Variants in APBB2 observed in about 807,000 individuals in gnomAD.
APBB2 encodes the protein amyloid beta precursor protein binding family B member 2, also known as Fe65-like 1.
Under a neutral mutation model 82.5 loss-of-function variants are expected in APBB2, and 38 were observed. That is an observed-to-expected ratio of 0.46 (90% CI 0.36 to 0.60). The LOEUF (loss-of-function observed/expected upper bound fraction) is 0.60, where lower values mean the gene tolerates loss of function less well. Ranked by LOEUF, APBB2 falls within the 20% of genes least tolerant of loss-of-function variation. The pLI, the probability that APBB2 is intolerant of heterozygous loss-of-function variation, is 0.00. For missense variants in APBB2, 772 were observed against 972.3 expected (o/e 0.79, Z 2.74); for synonymous variants, 341 against 368.2 (o/e 0.93, Z 0.85).
At chr4:40,969,662 T>TAA (rs1423566549) in intron 6 of APBB2, among the ~76,000 whole-genome samples, 1 of 152,214 alleles carries the variant, frequency 6.6e-6, no homozygotes, top group African/African-American at 2.4e-5. Flanking sequence ...CTGGATGTTT[T>TAA]AAAGAGTCCT....
At chr4:41,013,262 T>C (rs116322200) in intron 6 of APBB2, among the ~76,000 whole-genome samples, 2,099 of 152,336 alleles carry the variant, frequency 0.014, 51 homozygotes, top group African/African-American at 0.048. Flanking sequence ...AGATAGCATA[T>C]AGAAATGATC....
At chr4:41,183,464 A>G (rs1771992062) in intron 1 of APBB2, among the ~76,000 whole-genome samples, 1 of 152,222 alleles carries the variant, frequency 6.6e-6, no homozygotes, top group Non-Finnish European at 1.5e-5. Flanking sequence ...AGATGTAATT[A>G]GTTAAGATGA....
intron 3 of APBB2, among the ~76,000 whole-genome samples, chr4:41,076,898 A>C (rs1228742585): frequency 6.6e-6 from 1 of 152,236 alleles, no homozygotes; most frequent in Non-Finnish European, 1.5e-5. Flanking sequence ...AAGCTCCTAG[A>C]AATTAATATT....
intron 12 of APBB2, chr4:40,848,969 C>G: frequency 1.1e-6 from 1 of 935,200 alleles, no homozygotes; most frequent in Non-Finnish European, 1.3e-6. Context: ...CGAGCAAGAA[C>G]CTTTCTGCCT....
intron 12 of APBB2, among the ~76,000 whole-genome samples, chr4:40,874,564 T>C (rs954658426): frequency 3.3e-5 from 5 of 152,148 alleles, no homozygotes; most frequent in Non-Finnish European, 7.4e-5. Context: ...CTAGCTTTGT[T>C]ATCCTGTCCC....
chr4:40,976,391 C>T (rs923677927), intron 6 of APBB2, among the ~76,000 whole-genome samples: 2 of 152,140 alleles, frequency 1.3e-5, no homozygotes, highest in Non-Finnish European at 2.9e-5. Flanking sequence ...TAATGGAACT[C>T]ACTATGAGAA....
intron 6 of APBB2, among the ~76,000 whole-genome samples, chr4:41,013,227 T>C (rs368337409): frequency 1.3e-4 from 20 of 152,230 alleles, no homozygotes; most frequent in East Asian, 7.7e-4. Context: ...TTTTATTATT[T>C]TGCTTACCAA....
chr4:41,089,657 A>G (rs1221536549), intron 3 of APBB2, among the ~76,000 whole-genome samples: 1 of 152,236 alleles, frequency 6.6e-6, no homozygotes, highest in Admixed American at 6.5e-5. Flanking sequence ...TGGCTCAAAG[A>G]AAAAACTCAT....
intron 1 of APBB2, among the ~76,000 whole-genome samples, chr4:41,149,353 A>G (rs1761607322): frequency 6.6e-6 from 1 of 151,706 alleles, no homozygotes; most frequent in Admixed American, 6.6e-5. Flanking sequence ...CTGTCTTAGC[A>G]AAGTTTCTTT....
intron 10 of APBB2, among the ~76,000 whole-genome samples, chr4:40,901,907 T>TTGTG (rs1443661269): frequency 1.2e-4 from 15 of 121,482 alleles, no homozygotes; most frequent in African/African-American, 5.1e-4. Flanking sequence ...ATATCCAAAA[T>TTGTG]TATGTGTGTG....
Position 40,944,970 on chromosome 4 carries a change from T to A in APBB2, c.939A>T (p.Thr313=). ...CGGGCCGTTCCCACTGAGTCGTTCC[T>A]GTTGGGATGTGCCAATAATAGGTCC... The part of the protein sequence containing the change: ...IAGTYYWHIP[T]GTTQWERPVS... Residue 313 remains threonine (T), a synonymous_variant, in exon 7 of 18, where the codon ACA becomes ACT. Transcript: ENST00000508593. The A allele has an allele frequency of 6.2e-7, 1 of 1,613,400 alleles. No individual in the cohort carries two copies. The highest frequency in any genetic ancestry group is 8.5e-7 in the Non-Finnish European group (1 of 1,179,760).
At chr4:40,833,584 A>G (rs1752829369) in intron 12 of APBB2, among the ~76,000 whole-genome samples, 1 of 152,164 alleles carries the variant, frequency 6.6e-6, no homozygotes, top group African/African-American at 2.4e-5. Context: ...AGTTACTGTT[A>G]CAGGTGTCAC....
At chr4:41,116,213 A>G (rs558638846) in intron 2 of APBB2, among the ~76,000 whole-genome samples, 2 of 152,318 alleles carry the variant, frequency 1.3e-5, no homozygotes, top group Admixed American at 1.3e-4. Context: ...CTAACACAGG[A>G]ACAGAAAACC....
At chr4:41,093,045 C>T (rs1742319988) in intron 3 of APBB2, among the ~76,000 whole-genome samples, 1 of 152,184 alleles carries the variant, frequency 6.6e-6, no homozygotes, top group Non-Finnish European at 1.5e-5. Context: ...CCAGTAACAT[C>T]AGCAGAAACG....
intron 3 of APBB2, among the ~76,000 whole-genome samples, chr4:41,090,709 A>T (rs1406068226): frequency 6.6e-6 from 1 of 152,238 alleles, no homozygotes; most frequent in Non-Finnish European, 1.5e-5. Flanking sequence ...CAGTATCAAA[A>T]ATTTTGCCAG....
chr4:40,877,224 AT>A (rs1767164097), intron 12 of APBB2, among the ~76,000 whole-genome samples: 1 of 152,212 alleles, frequency 6.6e-6, no homozygotes, highest in Non-Finnish European at 1.5e-5. Context: ...AGTATAACAG[AT>A]TTGCCTTGGC....
intron 3 of APBB2, among the ~76,000 whole-genome samples, chr4:41,098,624 C>A (rs564602032): frequency 2.0e-5 from 3 of 152,150 alleles, no homozygotes; most frequent in Non-Finnish European, 2.9e-5. Context: ...TACAACAATG[C>A]TACAATGTAT....
At chr4:40,902,504 G>A (rs1775597518) in intron 10 of APBB2, among the ~76,000 whole-genome samples, 1 of 152,166 alleles carries the variant, frequency 6.6e-6, no homozygotes, top group Non-Finnish European at 1.5e-5. Flanking sequence ...ACTTGTGAAA[G>A]TGAGAAAGTC....
intron 2 of APBB2, among the ~76,000 whole-genome samples, chr4:41,101,337 GCCTGTAGT>G: frequency 6.7e-6 from 1 of 150,338 alleles, no homozygotes; most frequent in South Asian, 2.1e-4. Flanking sequence ...GGTGGCGGGC[GCCTGTAGT>G]CCCAGCTACT....
Sources: gnomAD v4.1 joint callset for allele counts (sites outside exome capture counted in the v4.1 genomes callset) on GRCh38, gnomAD v4.1.1 for gene constraint, MANE v1.5 for transcripts, NCBI Gene and HGNC (gene_info 2026-07-23, HGNC 2026-07-21) for gene names.